DNER: variants seen among roughly 807,000 people sequenced by gnomAD.
DNER encodes the protein delta/notch like EGF repeat containing.
A neutral mutation model predicts 78.2 loss-of-function variants in DNER; 33 were observed. That is an observed-to-expected ratio of 0.42 (90% CI 0.32 to 0.56). The LOEUF is 0.56. Ranked by LOEUF, DNER falls within the 20% of genes least tolerant of loss-of-function variation. The probability of loss-of-function intolerance (pLI) is 0.11; values close to 1 mark genes in which losing one functional copy is unlikely to be tolerated. For synonymous variants in DNER, 417 were observed against 384.8 expected (o/e 1.08, Z -0.98); for missense variants, 918 against 975.3 (o/e 0.94, Z 0.78).
intron 11 of DNER, among the ~76,000 whole-genome samples, chr2:229,372,559 A>AG (rs1228760024): frequency 6.6e-6 from 1 of 152,208 alleles, no homozygotes; most frequent in Non-Finnish European, 1.5e-5. Context: ...ATCTCCTTGA[A>AG]GGATAGGGCA....
chr2:229,551,903 G>A (rs1276250448), intron 4 of DNER, among the ~76,000 whole-genome samples: 2 of 151,660 alleles, frequency 1.3e-5, no homozygotes, highest in African/African-American at 4.9e-5. Flanking sequence ...CTGCACTCCA[G>A]CTGGGTGACA....
intron 10 of DNER, among the ~76,000 whole-genome samples, chr2:229,394,286 C>T (rs1358975059): frequency 6.6e-6 from 1 of 151,960 alleles, no homozygotes; most frequent in African/African-American, 2.4e-5. Context: ...ACCACCTCTC[C>T]CTCTGTGGAT....
At chr2:229,622,441 C>T (rs1399219650) in intron 1 of DNER, among the ~76,000 whole-genome samples, 1 of 152,184 alleles carries the variant, frequency 6.6e-6, no homozygotes, top group African/African-American at 2.4e-5. Flanking sequence ...AAGATACCTG[C>T]TAATGTGACT....
chr2:229,510,964 C>T (rs905831899), intron 6 of DNER, among the ~76,000 whole-genome samples: 1 of 151,950 alleles, frequency 6.6e-6, no homozygotes, highest in Non-Finnish European at 1.5e-5. Context: ...AATCATCTGG[C>T]CTGCAAGAGA....
At chr2:229,445,549 A>C (rs1353193389) in intron 8 of DNER, among the ~76,000 whole-genome samples, 1 of 152,222 alleles carries the variant, frequency 6.6e-6, no homozygotes, top group Non-Finnish European at 1.5e-5. Context: ...TTAAATCAGC[A>C]GACTTTGAAT....
At chr2:229,552,458 C>A (rs189577890) in intron 4 of DNER, among the ~76,000 whole-genome samples, 1 of 152,176 alleles carries the variant, frequency 6.6e-6, no homozygotes, top group Non-Finnish European at 1.5e-5. Flanking sequence ...ATAAGCCCCA[C>A]GTGTGGTGGG....
chr2:229,611,383 C>T (rs564333851), intron 1 of DNER, among the ~76,000 whole-genome samples: 2 of 152,304 alleles, frequency 1.3e-5, no homozygotes, highest in African/African-American at 4.8e-5. Flanking sequence ...CCCTGGCTTA[C>T]ATGAAAACAG....
chr2:229,549,089 G>A (rs976668018), intron 4 of DNER, among the ~76,000 whole-genome samples: 1 of 151,968 alleles, frequency 6.6e-6, no homozygotes, highest in Non-Finnish European at 1.5e-5. Context: ...ATTAAGAAAC[G>A]CTGTTACGCA....
intron 1 of DNER, among the ~76,000 whole-genome samples, chr2:229,676,430 T>C (rs984018033): frequency 1.2e-4 from 18 of 152,364 alleles, no homozygotes; most frequent in African/African-American, 4.3e-4. Context: ...AAGTGCTAAA[T>C]CATAGTTGAA....
At chr2:229,540,156 T>C (rs1696483191) in intron 5 of DNER, among the ~76,000 whole-genome samples, 1 of 152,208 alleles carries the variant, frequency 6.6e-6, no homozygotes, top group African/African-American at 2.4e-5. Flanking sequence ...GGACAGCTTC[T>C]AGAAGCAGGA....
At chr2:229,576,793 G>C (rs973898407) in intron 4 of DNER, among the ~76,000 whole-genome samples, 1 of 151,788 alleles carries the variant, frequency 6.6e-6, no homozygotes, top group Non-Finnish European at 1.5e-5. Context: ...GAGAAATGAC[G>C]CCAGCTACAC....
At chr2:229,512,686 T>C in intron 6 of DNER, 97 bp downstream of exon 6, 7 of 1,507,142 alleles carry the variant, frequency 4.6e-6, no homozygotes, top group Non-Finnish European at 6.3e-6. Context: ...TGTAACCAAG[T>C]ACCACCTGTT....
At chr2:229,508,901 GAAAAGAAAA>G (rs1695803951) in intron 6 of DNER, among the ~76,000 whole-genome samples, 2 of 77,008 alleles carry the variant, frequency 2.6e-5, no homozygotes, top group Non-Finnish European at 5.7e-5. Context: ...GAAAAGAAAA[GAAAAGAAAA>G]GAAAAGAAAA....
At chr2:229,562,829 G>A (rs1696984314) in intron 4 of DNER, among the ~76,000 whole-genome samples, 1 of 152,002 alleles carries the variant, frequency 6.6e-6, no homozygotes, top group Admixed American at 6.6e-5. Flanking sequence ...TTAGGAAAGT[G>A]CAAGCATTAT....
Position 229,418,123 on chromosome 2 carries a change from G to C in DNER, c.1594C>G (p.Leu532Val). The C allele has an allele frequency of 6.2e-7, 1 of 1,614,160 alleles. No individual in the cohort carries two copies. The highest frequency in any genetic ancestry group is 8.5e-7 in the Non-Finnish European group (1 of 1,180,004). Residue 532 changes from leucine to valine, a missense_variant, in exon 9 of 13, where the codon CTG (leucine) becomes GTG (valine). Physicochemically the swap from Leu to Val is conservative, Grantham distance 32. Transcript: ENST00000341772. ...GGCCTCTCACCTTTGTATTCTGCCA[G>C]GCACACACACTCATAGCCATTAACG... is the stretch of plus-strand genomic sequence containing the variant. ...DLVNGYECVC[L>V]AEYKGTHCEL...
intron 6 of DNER, among the ~76,000 whole-genome samples, chr2:229,495,216 T>A (rs890367193): frequency 2.0e-5 from 3 of 152,216 alleles, no homozygotes. Flanking sequence ...TATAATTTCA[T>A]CACTAACAAA....
At chr2:229,632,620 G>C (rs879228808) in intron 1 of DNER, among the ~76,000 whole-genome samples, 6 of 152,314 alleles carry the variant, frequency 3.9e-5, no homozygotes, top group Admixed American at 3.3e-4. Flanking sequence ...ATGTACCAAG[G>C]AGAGGATAAG....
intron 8 of DNER, among the ~76,000 whole-genome samples, chr2:229,422,465 G>GAC (rs1693787962): frequency 6.6e-6 from 1 of 152,166 alleles, no homozygotes; most frequent in African/African-American, 2.4e-5. Context: ...CTTTCGGATT[G>GAC]ACGGGGCACA....
intron 1 of DNER, among the ~76,000 whole-genome samples, chr2:229,603,828 C>T (rs76285656): frequency 1.6e-3 from 250 of 152,092 alleles, no homozygotes; most frequent in Non-Finnish European, 1.8e-3. Flanking sequence ...GTTTTTAAAA[C>T]ACCTACCATA....
Sources: gnomAD v4.1 joint callset for allele counts (sites outside exome capture counted in the v4.1 genomes callset) on GRCh38, gnomAD v4.1.1 for gene constraint, MANE v1.5 for transcripts, NCBI Gene and HGNC (gene_info 2026-07-23, HGNC 2026-07-21) for gene names.